The following COL4A5 variants were observed in gnomAD, a reference collection of about 807,000 sequenced individuals.
COL4A5 encodes collagen alpha-5(IV) chain.
A neutral mutation model predicts 130.2 loss-of-function variants in COL4A5; 26 were observed. That is an observed-to-expected ratio of 0.20 (90% confidence interval 0.15 to 0.28). The LOEUF (loss-of-function observed/expected upper bound fraction) is 0.28. Ranked by LOEUF, COL4A5 falls within the 10% of genes least tolerant of loss-of-function variation. The pLI is 1.00. For missense variants in COL4A5, 1,131 were observed against 1,344.3 expected (o/e 0.84, Z 2.48); for synonymous variants, 496 against 439.6 (o/e 1.13, Z -1.60).
intron 1 of COL4A5, among the ~76,000 whole-genome samples, chrX:108,463,263 A>T (rs2064671774): frequency 8.9e-6 from 1 of 112,293 alleles, no homozygotes; most frequent in Non-Finnish European, 1.9e-5. Flanking sequence ...ACTTCAAGAA[A>T]GTATCTCAGT....
intron 36 of COL4A5, among the ~76,000 whole-genome samples, chrX:108,632,550 A>T (rs1278459879): frequency 9.0e-6 from 1 of 111,613 alleles, no homozygotes; most frequent in Non-Finnish European, 1.9e-5. Flanking sequence ...TTAGACCAAT[A>T]TCCCTGATGA....
rs1172812044 is a variant in COL4A5 at position 108,679,372 on chromosome X, C to T, written c.3943-1307C>T. Among the ~76,000 whole-genome samples, 3 of 111,356 alleles carry T rather than the reference C, an allele frequency of 2.7e-5. No homozygotes were observed. In the Admixed American group the frequency reaches 2.9e-4, roughly 11 times the overall value. ...CTACCTCCACATATACTAGTCAGTC[C>T]TACTGTAAGCAAGAGCCCTCCCTTC... On this transcript the variant is annotated intron_variant, in intron 44 of 52. Coordinates refer to ENST00000328300, the MANE Select transcript of COL4A5 (RefSeq NM_033380.3).
chrX:108,457,917 TTTTA>T (rs1249643284), intron 1 of COL4A5, among the ~76,000 whole-genome samples: 5 of 112,226 alleles, frequency 4.5e-5, no homozygotes, highest in Admixed American at 1.9e-4. Context: ...TCCATTTCTT[TTTTA>T]TTTGTTTTCT....
At chrX:108,549,992 C>G (rs2065726513) in intron 2 of COL4A5, among the ~76,000 whole-genome samples, 1 of 111,429 alleles carries the variant, frequency 9.0e-6, no homozygotes, top group Admixed American at 9.5e-5. Flanking sequence ...AAGAAAGAAG[C>G]AAAATATAAA....
At chrX:108,577,364 C>A (rs2066168353) in intron 10 of COL4A5, among the ~76,000 whole-genome samples, 1 of 82,114 alleles carries the variant, frequency 1.2e-5, no homozygotes, top group Non-Finnish European at 2.2e-5. Flanking sequence ...AAGAGGGAAA[C>A]TCCTTCTCAA....
intron 1 of COL4A5, among the ~76,000 whole-genome samples, chrX:108,467,280 C>CTAGG (rs1482542874): frequency 8.9e-6 from 1 of 111,782 alleles, no homozygotes; most frequent in Non-Finnish European, 1.9e-5. Flanking sequence ...ATTGACTAGT[C>CTAGG]TAGGCACCCT....
chrX:108,614,251 C>T (rs188360823), intron 29 of COL4A5, among the ~76,000 whole-genome samples: 4 of 111,572 alleles, frequency 3.6e-5, no homozygotes, highest in African/African-American at 1.3e-4. Flanking sequence ...CAGTGGTTGC[C>T]AGGTAATTGG....
intron 37 of COL4A5, among the ~76,000 whole-genome samples, chrX:108,664,376 C>T (rs28820944): frequency 0.25 from 27,288 of 110,347 alleles, 2,806 homozygotes; most frequent in East Asian, 0.57. Flanking sequence ...GGGGAAAAAA[C>T]AAAACTTAAT....
intron 1 of COL4A5, among the ~76,000 whole-genome samples, chrX:108,474,170 A>G (rs1367097518): frequency 1.8e-5 from 2 of 111,610 alleles, no homozygotes; most frequent in African/African-American, 6.5e-5. Context: ...TTCACATACT[A>G]CCCACTCAAC....
At chrX:108,684,643 G>C (rs2068507202) in intron 47 of COL4A5, among the ~76,000 whole-genome samples, 1 of 112,703 alleles carries the variant, frequency 8.9e-6, no homozygotes, top group African/African-American at 3.2e-5. Context: ...TCCAGGACCA[G>C]ACGGCTTCAC....
At chrX:108,506,850 A>G (rs895741410) in intron 1 of COL4A5, among the ~76,000 whole-genome samples, 9 of 110,558 alleles carry the variant, frequency 8.1e-5, no homozygotes, top group African/African-American at 3.0e-4. Flanking sequence ...GGCTCAAGCA[A>G]TCCTCCTGCC....
Position 108,625,719 on chromosome X carries a change from C to T in COL4A5, c.3031C>T (p.Pro1011Ser). The change falls in exon 35 of 53, where the codon CCT becomes TCT. Residue 1011 changes from proline (P) to serine (S), a missense_variant. Coordinates refer to ENST00000328300, the MANE Select transcript of COL4A5 (RefSeq NM_033380.3). The stretch of plus-strand genomic sequence containing the variant: ...GACCTTTCTAGGTCCCAAAGGTAAC[C>T]CTGGTCTCCCTGGACAGCCAGGTCT... ...LPGPPGPKGN[P>S]GLPGQPGLIG... 1 of 1,201,683 alleles carries T rather than the reference C, an allele frequency of 8.3e-7. No homozygotes were observed. The highest frequency in any genetic ancestry group is 1.7e-5 in the African/African-American group (1 of 57,594).
chrX:108,672,068 C>T (rs1044191409), intron 42 of COL4A5, among the ~76,000 whole-genome samples: 1 of 112,029 alleles, frequency 8.9e-6, no homozygotes, highest in East Asian at 2.8e-4. Context: ...GCAGACTGTT[C>T]GCTGCATCCA....
At chrX:108,667,682 C>A (rs893165812) in intron 40 of COL4A5, among the ~76,000 whole-genome samples, 2 of 109,967 alleles carry the variant, frequency 1.8e-5, no homozygotes, top group African/African-American at 6.6e-5. Flanking sequence ...TGTTTATGTT[C>A]TGAAATGACG....
intron 6 of COL4A5, among the ~76,000 whole-genome samples, chrX:108,571,109 A>G (rs764298126): frequency 2.3e-4 from 26 of 112,203 alleles, no homozygotes; most frequent in Non-Finnish European, 4.0e-4. Context: ...ATCATTAACT[A>G]TTAAATGTGA....
intron 25 of COL4A5, among the ~76,000 whole-genome samples, chrX:108,599,499 T>A (rs1256888182): frequency 1.8e-5 from 2 of 110,887 alleles, no homozygotes; most frequent in Non-Finnish European, 3.8e-5. Context: ...TGATCCATTC[T>A]ATGGTTAATG....
chrX:108,691,614 A>C (rs2068640817), intron 49 of COL4A5, among the ~76,000 whole-genome samples: 1 of 111,708 alleles, frequency 9.0e-6, no homozygotes, highest in South Asian at 3.6e-4. Context: ...AGGTATATTC[A>C]ATATTAATTT....
chrX:108,651,838 A>G (rs1357989945), intron 36 of COL4A5, among the ~76,000 whole-genome samples: 1 of 111,979 alleles, frequency 8.9e-6, no homozygotes, highest in Non-Finnish European at 1.9e-5. Context: ...GCCATTATTT[A>G]TCAGTTTGTT....
At chrX:108,544,946 G>A (rs2065621264) in intron 2 of COL4A5, among the ~76,000 whole-genome samples, 3 of 111,351 alleles carry the variant, frequency 2.7e-5, no homozygotes, top group South Asian at 7.7e-4. Context: ...CTGTGGGATC[G>A]GTGGTGATAT....
Sources: allele counts gnomAD v4.1 joint callset (sites outside exome capture counted in the v4.1 genomes callset), GRCh38; gene constraint gnomAD v4.1.1; transcripts MANE v1.5; gene names NCBI Gene and HGNC (gene_info 2026-07-23, HGNC 2026-07-21).